The following CBFA2T2 variants were observed in gnomAD, a reference collection of about 807,000 sequenced individuals.
The protein encoded by CBFA2T2 is protein CBFA2T2.
CBFA2T2 carries 11 observed loss-of-function variants against 62.2 expected under a neutral mutation model. That is an observed-to-expected ratio of 0.18 (90% CI 0.11 to 0.29). The LOEUF (loss-of-function observed/expected upper bound fraction) is 0.29. CBFA2T2 is among the 10% of genes least tolerant of loss of function. CBFA2T2 has a pLI of 1.00. For missense variants in CBFA2T2, 592 were observed against 774.1 expected (o/e 0.76, Z 2.79); for synonymous variants, 295 against 287.5 (o/e 1.03, Z -0.27).
chr20:33,596,970 G>C (rs906298513), intron 1 of CBFA2T2, among the ~76,000 whole-genome samples: 7 of 148,274 alleles, frequency 4.7e-5, no homozygotes, highest in Non-Finnish European at 1.0e-4. Flanking sequence ...TGTCAACCAG[G>C]CTAGAGTACA....
chr20:33,591,446 C>A (rs2146926140), intron 1 of CBFA2T2, among the ~76,000 whole-genome samples: 1 of 145,294 alleles, frequency 6.9e-6, no homozygotes, highest in Admixed American at 7.0e-5. Flanking sequence ...TGCACTCCAG[C>A]CTGAGCAACA....
At chr20:33,514,651 T>C (rs2146856972) in intron 1 of CBFA2T2, among the ~76,000 whole-genome samples, 1 of 152,226 alleles carries the variant, frequency 6.6e-6, no homozygotes, top group African/African-American at 2.4e-5. Flanking sequence ...AGGGTGACAT[T>C]ATCCCCTTTA....
chr20:33,495,039 T>TGTAGTA (rs374861593), intron 1 of CBFA2T2, among the ~76,000 whole-genome samples: 1 of 152,180 alleles, frequency 6.6e-6, no homozygotes, highest in Admixed American at 6.6e-5. Flanking sequence ...TCATTGATCT[T>TGTAGTA]GTAGTAGTAC....
chr20:33,536,385 C>T lies in CBFA2T2; in HGVS notation c.34+46084C>T, dbSNP rs1392984553. Among the ~76,000 whole-genome samples the T allele has an allele frequency of 1.3e-4, 19 of 147,326 alleles. No homozygotes were observed. The East Asian group carries it at 1.9e-3, about 14-fold the overall frequency. On this transcript the variant is annotated intron_variant, in intron 1 of 10. Transcript: ENST00000342704. Reference sequence around the variant, plus strand: ...CCCAGTAGGGGCGGCCGGGCAGAGGCGCCCCTCACCTCCCGGACAGGGTGG... The same window carrying T: ...CCCAGTAGGGGCGGCCGGGCAGAGGTGCCCCTCACCTCCCGGACAGGGTGG...
At chr20:33,635,654 G>A (rs1046259151) in intron 8 of CBFA2T2, among the ~76,000 whole-genome samples, 4 of 152,140 alleles carry the variant, frequency 2.6e-5, no homozygotes, top group Non-Finnish European at 5.9e-5. Context: ...AATTGCTTGA[G>A]GCCAGGAATC....
Position 33,649,821 on chromosome 20 carries a change from G to T in CBFA2T2, c.*5175G>T, listed in dbSNP as rs2017188253. 6.6e-6 allele frequency: 1 copy of T among 152,500 alleles called. No homozygotes were observed. Among genetic ancestry groups the T allele is most frequent in the East Asian group, 1.9e-4 (1 of 5,198 alleles). The allele number at this position is 152,500 out of a possible 1,614,324, so 9.4% of individuals were successfully genotyped here. A position where few individuals can be genotyped will look rare whatever the true frequency, so the allele number is the denominator to read the frequency against. ...AATAGAAAACGAAGCCTCCACGCGT[G>T]GTTTTTAAAGGGGGATGATGAATGT... On this transcript the variant is annotated 3_prime_UTR_variant, in exon 11 of 11. Coordinates refer to ENST00000342704, the MANE Select transcript of CBFA2T2 (RefSeq NM_001032999.3).
At position 33,640,329 on chromosome 20, in the gene CBFA2T2, A is replaced by G. The variant is rs747438232; in HGVS notation, c.1298-12A>G. The G allele has an allele frequency of 1.4e-5, 22 of 1,606,318 alleles. 1 individual carries two copies. The Middle Eastern group carries it at 8.3e-4, about 61-fold the overall frequency. ...TTCTCGGCCAGTTGATTTTACTGTCACTTTCTTCTAGAAGAAGCTGTGAAT... is the reference window on the plus strand; with the variant it reads ...TTCTCGGCCAGTTGATTTTACTGTCGCTTTCTTCTAGAAGAAGCTGTGAAT... On this transcript the variant is annotated splice_polypyrimidine_tract_variant and intron_variant, in intron 9 of 10. Coordinates refer to ENST00000342704, the MANE Select transcript of CBFA2T2 (RefSeq NM_001032999.3).
intron 8 of CBFA2T2, among the ~76,000 whole-genome samples, chr20:33,634,434 G>A (rs1028863960): frequency 6.6e-6 from 1 of 152,092 alleles, no homozygotes; most frequent in African/African-American, 2.4e-5. Context: ...CACTTTGAGA[G>A]GCAGAGGCTG....
At chr20:33,576,201 C>G (rs897519090) in intron 1 of CBFA2T2, among the ~76,000 whole-genome samples, 7 of 152,168 alleles carry the variant, frequency 4.6e-5, no homozygotes, top group Non-Finnish European at 8.8e-5. Context: ...GTAGGAGTTT[C>G]TAAAGTGCCA....
chr20:33,643,803 AT>A, intron 10 of CBFA2T2, among the ~76,000 whole-genome samples: 3 of 23,624 alleles, frequency 1.3e-4, no homozygotes, highest in African/African-American at 3.9e-4. Context: ...ATATATATAT[AT>A]ATATATATAT....
rs146888925 is a variant in CBFA2T2 at position 33,543,053 on chromosome 20, G to A, written c.34+52752G>A. Among the ~76,000 whole-genome samples the A allele has an allele frequency of 7.5e-3, 1,138 of 151,210 alleles. 4 individuals carry two copies. Among genetic ancestry groups the A allele is most frequent in the Non-Finnish European group, 0.011 (762 of 67,794 alleles). ...TTTTGAGACAGAGTCTTGCCCTGTCGCCCAGGCTGGAGTGCAGTGGCATGA... is the reference window on the plus strand; with the variant it reads ...TTTTGAGACAGAGTCTTGCCCTGTCACCCAGGCTGGAGTGCAGTGGCATGA... On this transcript the variant is annotated intron_variant, in intron 1 of 10. Transcript: ENST00000342704.
chr20:33,563,180 T>C (rs531444725), intron 1 of CBFA2T2, among the ~76,000 whole-genome samples: 15 of 152,356 alleles, frequency 9.8e-5, no homozygotes, highest in Non-Finnish European at 2.2e-4. Flanking sequence ...TAACAGTTTT[T>C]CATTTACATT....
At chr20:33,592,373 T>TA (rs202065876) in intron 1 of CBFA2T2, among the ~76,000 whole-genome samples, 5,753 of 100,990 alleles carry the variant, frequency 0.057, 196 homozygotes, top group Non-Finnish European at 0.093. Flanking sequence ...CAAAAAAAAT[T>TA]TTATATATAT....
At chr20:33,531,296 T>G (rs1157923525) in intron 1 of CBFA2T2, among the ~76,000 whole-genome samples, 3 of 152,072 alleles carry the variant, frequency 2.0e-5, no homozygotes, top group African/African-American at 7.2e-5. Flanking sequence ...AGACCACAGT[T>G]TCAGGTACAG....
At chr20:33,502,153 C>T (rs1177405782) in intron 1 of CBFA2T2, among the ~76,000 whole-genome samples, 1 of 152,060 alleles carries the variant, frequency 6.6e-6, no homozygotes, top group Non-Finnish European at 1.5e-5. Flanking sequence ...TCCTTCCTTG[C>T]TTATTAGTTA....
At chr20:33,614,178 G>A (rs539256007) in intron 3 of CBFA2T2, among the ~76,000 whole-genome samples, 4 of 151,672 alleles carry the variant, frequency 2.6e-5, no homozygotes, top group Non-Finnish European at 5.9e-5. Flanking sequence ...AAAAGTATAT[G>A]TAGGTGTGTC....
intron 1 of CBFA2T2, among the ~76,000 whole-genome samples, chr20:33,598,081 C>G (rs2014965721): frequency 6.6e-6 from 1 of 152,224 alleles, no homozygotes; most frequent in African/African-American, 2.4e-5. Context: ...ACATCAAGTA[C>G]TTTACAAGGT....
rs189023690 is a variant in CBFA2T2, at chr20:33,520,909, C to T, written c.34+30608C>T. ...TAATCACTGTTTTTACACACGCACG[C>T]GCACACACACACACATTTTCACCTG... On this transcript the variant is annotated intron_variant, in intron 1 of 10. Coordinates refer to ENST00000342704, the MANE Select transcript of CBFA2T2 (RefSeq NM_001032999.3). 5.8e-4 allele frequency among the ~76,000 whole-genome samples: 87 copies of T among 151,216 alleles called. 3 individuals are homozygous for T. In the East Asian group the frequency reaches 6.2e-3, roughly 11 times the overall value.
In CBFA2T2 at chr20:33,535,588, A is replaced by G. The variant is rs566172722; in HGVS notation, c.34+45287A>G. Among the ~76,000 whole-genome samples, 583 of 148,114 alleles carry G rather than the reference A, an allele frequency of 3.9e-3. 5 individuals carry two copies. Among genetic ancestry groups the G allele is most frequent in the South Asian group, 0.025 (121 of 4,756 alleles). Reference sequence around the variant, plus strand: ...TTAGGCCCAGGCAGGAAGTCTGGGCATGGATTGAGTTTTATTTTTATTTTT... The same window carrying G: ...TTAGGCCCAGGCAGGAAGTCTGGGCGTGGATTGAGTTTTATTTTTATTTTT... On this transcript the variant is annotated intron_variant, in intron 1 of 10. Coordinates refer to ENST00000342704, the MANE Select transcript of CBFA2T2 (RefSeq NM_001032999.3).
Sources: gnomAD v4.1 joint callset for allele counts (sites outside exome capture counted in the v4.1 genomes callset) on GRCh38, gnomAD v4.1.1 for gene constraint, MANE v1.5 for transcripts, NCBI Gene and HGNC (gene_info 2026-07-23, HGNC 2026-07-21) for gene names.